Variants in PDE4C observed in about 807,000 individuals in gnomAD.
PDE4C encodes phosphodiesterase 4C, also known as 3',5'-cyclic-AMP phosphodiesterase 4C.
In PDE4C, 50 loss-of-function variants were observed where a neutral mutation model predicts 63.9. That is an observed-to-expected ratio of 0.78 (90% CI 0.62 to 0.99). The LOEUF is 0.99. Among genes scored for constraint, PDE4C ranks in the 50% least tolerant of loss-of-function variants. The probability of loss-of-function intolerance (pLI) is 0.00; values close to 1 mark genes in which losing one functional copy is unlikely to be tolerated. For missense variants in PDE4C, 777 were observed against 899.1 expected, an observed-to-expected ratio of 0.86 and a Z score of 1.74; for synonymous variants, 377 against 385.1, an observed-to-expected ratio of 0.98 and a Z score of 0.25.
Position 18,220,222 on chromosome 19 carries a change from T to C in PDE4C, c.706+4A>G. ...CGTCCAGGCAGTGACTCAACAAAGC[T>C]CACCCAGGAAGGTCCGGGAGATGTA... On this transcript the variant is annotated splice_donor_region_variant and intron_variant, in intron 7 of 14. Coordinates refer to ENST00000262805, the Ensembl canonical transcript of PDE4C. The surrounding 1 kb of genome is among the most constrained non-coding windows in gnomAD (Gnocchi z 5.1). 1 of 1,612,164 alleles carries C rather than the reference T, an allele frequency of 6.2e-7. No individual in the cohort carries two copies. Among genetic ancestry groups the C allele is most frequent in the Non-Finnish European group, 8.5e-7 (1 of 1,178,410 alleles).
upstream of PDE4C, chr19:18,252,090 T>A (rs1969236771): frequency 2.5e-6 from 1 of 398,730 alleles, no homozygotes; most frequent in Non-Finnish European, 4.4e-6. Context: ...CAAGGTCTGG[T>A]CAGTGGAGGT....
At chr19:18,255,187 T>C in the PDE4C span, 1 of 390,474 alleles carries the variant, frequency 2.6e-6, no homozygotes, top group African/African-American at 2.1e-5. This position sits in a 1 kb window ranked among gnomAD's most constrained non-coding sequence, Gnocchi z 4.6. Flanking sequence ...CCCTTCCGCT[T>C]TCTGGAAGCT....
upstream of PDE4C, among the ~76,000 whole-genome samples, chr19:18,251,046 G>T (rs1011844101): frequency 5.9e-5 from 9 of 151,962 alleles, no homozygotes; most frequent in African/African-American, 2.2e-4. Flanking sequence ...AAAGTGCTGG[G>T]ATTACAGGCG....
Position 18,220,507 on chromosome 19 carries a change from C to T in PDE4C, c.508G>A (p.Gly170Arg). ...AGCGTCTCCAATGCCAGCTTCTGCC[C>T]CGTGTCCTCTGGGAGCCGAGGCAGT... The change falls in exon 6 of 15, where the codon GGG (glycine) becomes AGG (arginine). Residue 170 changes from glycine to arginine, a missense_variant. Physicochemically the swap from Gly to Arg is moderately radical, Grantham distance 125 (BLOSUM62 -2). Transcript: ENST00000262805. The surrounding 1 kb of genome is among the most constrained non-coding windows in gnomAD (Gnocchi z 5.1). The T allele has an allele frequency of 6.2e-7, 1 of 1,613,286 alleles. No homozygotes were observed. The highest frequency in any genetic ancestry group is 8.5e-7 in the Non-Finnish European group (1 of 1,179,670).
intron 1 of PDE4C, among the ~76,000 whole-genome samples, chr19:18,240,507 C>G (rs1189337917): frequency 6.6e-6 from 1 of 151,214 alleles, no homozygotes; most frequent in Non-Finnish European, 1.5e-5. Flanking sequence ...GTGGATGGAT[C>G]ACAAGATCAA....
rs1348875337 is a variant in PDE4C, at chr19:18,226,343, CG to C, written c.72del (p.Leu26SerfsTer7). 13 of 1,531,726 alleles carry C rather than the reference CG, an allele frequency of 8.5e-6. No individual in the cohort carries two copies. Among genetic ancestry groups the C allele is most frequent in the Admixed American group, 2.1e-5 (1 of 48,402 alleles). The allele number at this position is 1,531,726 out of a possible 1,614,324, so 94.9% of individuals were successfully genotyped here. On this transcript the variant is annotated frameshift_variant, in exon 1 of 15. Coordinates refer to ENST00000262805, the Ensembl canonical transcript of PDE4C. LOFTEE classifies it high-confidence loss of function. The stretch of plus-strand genomic sequence containing the variant: ...TTCACCAAAAGCTTCCTGAAGAGCC[CG>C]GGGGAGCCGCGCGGGGATCCCCGAG...
At chr19:18,221,961 G>T (rs1968501902) in intron 2 of PDE4C, among the ~76,000 whole-genome samples, 171 bp downstream of exon 2, 1 of 152,106 alleles carries the variant, frequency 6.6e-6, no homozygotes, top group Admixed American at 6.5e-5. Context: ...CCCTACTCCA[G>T]CAAAAGGCCA....
At chr19:18,250,934 C>G (rs1378335673), upstream of PDE4C, among the ~76,000 whole-genome samples, 1 of 152,040 alleles carries the variant, frequency 6.6e-6, no homozygotes, top group Non-Finnish European at 1.5e-5. Context: ...CCACCACACC[C>G]AGCTAATTTG....
chr19:18,210,753 G>A, exon 15 of PDE4C: 7 of 1,129,578 alleles, frequency 6.2e-6, no homozygotes, highest in Non-Finnish European at 8.4e-6. Flanking sequence ...GTGGACCCCA[G>A]CCAGGTGCCT....
At chr19:18,232,872 A>T in intron 1 of PDE4C, 1 of 1,367,882 alleles carries the variant, frequency 7.3e-7, no homozygotes, top group Non-Finnish European at 9.5e-7. Flanking sequence ...CTGGAGAAGC[A>T]AGGACCCTCC....
chr19:18,220,446 G>C lies in PDE4C; in HGVS notation c.569C>G (p.Thr190Arg), dbSNP rs1177561276. The stretch of plus-strand genomic sequence containing the variant: ...CCCCACCGAGTGCCGGGTCTGCAGC[G>C]TCTCCAACTGATCCAGGCACCAGTC... Residue 190 changes from threonine to arginine, a missense_variant, in exon 6 of 15, where the codon ACG (threonine) becomes AGG (arginine). Around this residue, in one of 3 missense-constraint regions of PDE4C, gnomAD observed 28 missense variants for 53.5 expected, o/e 0.52. Coordinates refer to ENST00000262805, the Ensembl canonical transcript of PDE4C. The surrounding 1 kb of genome is among the most constrained non-coding windows in gnomAD (Gnocchi z 5.1). 6.2e-7 allele frequency: 1 copy of C among 1,614,052 alleles called. No individual in the cohort carries two copies. The highest frequency in any genetic ancestry group is 1.3e-5 in the African/African-American group (1 of 74,922).
At chr19:18,213,630 C>G in intron 12 of PDE4C, 140 bp from the exon 13 acceptor site, 1 of 947,216 alleles carries the variant, frequency 1.1e-6, no homozygotes, top group South Asian at 1.9e-5. Flanking sequence ...AAGGATGCAA[C>G]TGCATTCACT....
At chr19:18,224,771 A>C (rs1286485090) in intron 1 of PDE4C, among the ~76,000 whole-genome samples, 1 of 152,234 alleles carries the variant, frequency 6.6e-6, no homozygotes, top group African/African-American at 2.4e-5. Context: ...GATGAACCCC[A>C]CGGCCAGCCG....
intron 1 of PDE4C, 55 bp from the exon 2 acceptor site, chr19:18,222,378 G>A (rs1196457929): frequency 3.9e-6 from 6 of 1,526,740 alleles, no homozygotes; most frequent in Non-Finnish European, 5.4e-6. Context: ...TGGGTGCCGG[G>A]TCGTGGCCAC....
chr19:18,235,959 T>G (rs144467279), upstream of PDE4C, among the ~76,000 whole-genome samples: 11 of 152,076 alleles, frequency 7.2e-5, no homozygotes, highest in African/African-American at 1.9e-4. Context: ...TTTGTTTGTT[T>G]TGTTTTGTTT....
chr19:18,245,590 C>A (rs1174116659), intron 1 of PDE4C, among the ~76,000 whole-genome samples: 1 of 152,204 alleles, frequency 6.6e-6, no homozygotes, highest in Non-Finnish European at 1.5e-5. Context: ...GCTAAAATGT[C>A]AACTTCCCGG....
chr19:18,233,786 G>C (rs1289341079), upstream of PDE4C: 1 of 316,024 alleles, frequency 3.2e-6, no homozygotes, highest in East Asian at 9.4e-5. Context: ...CATCCGCCCA[G>C]GAGGTGCTGA....
chr19:18,215,675 C>A (rs967008125), intron 12 of PDE4C, among the ~76,000 whole-genome samples: 1 of 151,658 alleles, frequency 6.6e-6, no homozygotes, highest in African/African-American at 2.4e-5. Flanking sequence ...CCACCACACC[C>A]AGCTAATTTT....
chr19:18,246,927 AAAAAC>A (rs1015738426), intron 1 of PDE4C, among the ~76,000 whole-genome samples: 2 of 152,112 alleles, frequency 1.3e-5, no homozygotes, highest in Non-Finnish European at 2.9e-5. Flanking sequence ...ACCCTGTCTA[AAAAAC>A]AAAACAAAAC....
Sources: allele counts gnomAD v4.1 joint callset (sites outside exome capture counted in the v4.1 genomes callset), GRCh38; gene constraint gnomAD v4.1.1; regional missense constraint gnomAD v4.1.1; non-coding constraint Gnocchi (gnomAD v3.1); transcripts MANE v1.5; gene names NCBI Gene and HGNC (gene_info 2026-07-23, HGNC 2026-07-21).